The following DHTKD1 variants were observed in gnomAD, a reference collection of about 807,000 sequenced individuals.
DHTKD1 encodes 2-oxoadipate dehydrogenase complex component E1.
In DHTKD1, 78 loss-of-function variants were observed where a neutral mutation model predicts 101.8. That is an observed-to-expected ratio of 0.77 (90% CI 0.64 to 0.93). The LOEUF is 0.93. Ranked by LOEUF, DHTKD1 falls within the 40% of genes least tolerant of loss-of-function variation. DHTKD1 has a pLI of 0.00. For missense variants in DHTKD1, 1,223 were observed against 1,161.7 expected, an observed-to-expected ratio of 1.05 and a Z score of -0.77; for synonymous variants, 462 against 450.3, an observed-to-expected ratio of 1.03 and a Z score of -0.33.
At chr10:12,093,869 T>C (rs1833028327) in intron 6 of DHTKD1, among the ~76,000 whole-genome samples, 1 of 152,138 alleles carries the variant, frequency 6.6e-6, no homozygotes, top group Non-Finnish European at 1.5e-5. Context: ...GATAAGTAGG[T>C]TGAGATTTGT....
intron 16 of DHTKD1, 30 bp from the exon 17 acceptor site, chr10:12,120,757 C>T: frequency 2.5e-6 from 4 of 1,584,724 alleles, no homozygotes; most frequent in Non-Finnish European, 3.5e-6. Context: ...GTCAAAATGT[C>T]ATTTTATTTC....
intron 12 of DHTKD1, among the ~76,000 whole-genome samples, chr10:12,108,707 G>A (rs1229030225): frequency 1.3e-5 from 2 of 152,166 alleles, no homozygotes; most frequent in Non-Finnish European, 2.9e-5. Flanking sequence ...CAGATATACA[G>A]AAAAGTTGGA....
chr10:12,110,062 G>A lies in DHTKD1; in HGVS notation c.2154+2047G>A, dbSNP rs1177485222. ...TCCTGTAATCCCAGCACTTTGGGAG[G>A]CCGAGGCGGGCGGATCATGAGGTCA... On this transcript the variant is annotated intron_variant, in intron 12 of 16. Transcript: ENST00000263035. This position sits in a 1 kb window ranked among gnomAD's most constrained non-coding sequence, Gnocchi z 4.9. Among the ~76,000 whole-genome samples the A allele has an allele frequency of 6.6e-6, 1 of 152,174 alleles. No individual in the cohort carries two copies. The highest frequency in any genetic ancestry group is 1.5e-5 in the Non-Finnish European group (1 of 68,034).
intron 15 of DHTKD1, among the ~76,000 whole-genome samples, chr10:12,119,157 T>G (rs1337515124): frequency 6.9e-6 from 1 of 145,748 alleles, no homozygotes; most frequent in East Asian, 2.0e-4. Flanking sequence ...GTACAAAAAA[T>G]TAGCCGGGCG....
intron 15 of DHTKD1, among the ~76,000 whole-genome samples, chr10:12,119,786 A>G (rs1192713080): frequency 6.6e-6 from 1 of 152,148 alleles, no homozygotes; most frequent in Non-Finnish European, 1.5e-5. Context: ...TTACCTGCAT[A>G]ACAAACCTGC....
intron 13 of DHTKD1, 106 bp from the exon 14 acceptor site, chr10:12,117,567 G>GAACTT (rs1180092311): frequency 1.7e-4 from 124 of 736,444 alleles, no homozygotes; most frequent in Middle Eastern, 4.7e-4. Flanking sequence ...TCTCCTTGCA[G>GAACTT]TGCTAGGCTA....
At chr10:12,102,255 C>T (rs561866564) in intron 10 of DHTKD1, among the ~76,000 whole-genome samples, 1 of 152,016 alleles carries the variant, frequency 6.6e-6, no homozygotes, top group East Asian at 1.9e-4. Flanking sequence ...GAAACCCCAT[C>T]TCTACTAAAA....
At chr10:12,118,362 C>T (rs1233931171) in intron 14 of DHTKD1, among the ~76,000 whole-genome samples, 1 of 149,798 alleles carries the variant, frequency 6.7e-6, no homozygotes, top group Non-Finnish European at 1.5e-5. Flanking sequence ...TGCACTGTCT[C>T]CCGTTTCTTC....
chr10:12,069,025 C>T lies in DHTKD1; in HGVS notation c.-9C>T, dbSNP rs375263831. On this transcript the variant is annotated 5_prime_UTR_variant, in exon 1 of 17. Transcript: ENST00000263035. Reference sequence around the variant, plus strand: ...CGCCTTAGCATGCTGGCCGGGACATCTGGTGAACATGGCCTCTGCTACTGC... The same window carrying T: ...CGCCTTAGCATGCTGGCCGGGACATTTGGTGAACATGGCCTCTGCTACTGC... 11 of 1,613,016 alleles carry T rather than the reference C, an allele frequency of 6.8e-6. No individual in the cohort carries two copies. The African/African-American group carries it at 1.2e-4, about 18-fold the overall frequency.
chr10:12,072,461 CAAT>C (rs1490784421), intron 1 of DHTKD1, among the ~76,000 whole-genome samples: 3 of 148,402 alleles, frequency 2.0e-5, no homozygotes, highest in Non-Finnish European at 4.4e-5. Context: ...GACTCTGTCT[CAAT>C]AAATAAATAA....
chr10:12,113,291 G>C (rs889960159), intron 13 of DHTKD1, among the ~76,000 whole-genome samples: 2 of 152,118 alleles, frequency 1.3e-5, no homozygotes, highest in African/African-American at 4.8e-5. Flanking sequence ...TCTGACTCCT[G>C]GGTTTAAGCG....
In DHTKD1 at chr10:12,089,147, C is replaced by G; in HGVS notation, c.879C>G (p.Val293=). 6.2e-7 allele frequency: 1 copy of G among 1,614,204 alleles called. No individual in the cohort carries two copies. Among genetic ancestry groups the G allele is most frequent in the Non-Finnish European group, 8.5e-7 (1 of 1,180,040 alleles). ...MLPNPSHLEA[V]NPVAVGKTRG... ...CCAATCCCTCGCACCTGGAGGCCGT[C>G]AACCCCGTGGCCGTGGGCAAAACTC... The change falls in exon 5 of 17, where the codon GTC becomes GTG. Residue 293 remains valine (V), a synonymous_variant. Transcript: ENST00000263035.
chr10:12,106,397 G>A lies in DHTKD1; in HGVS notation c.2047+1G>A. On this transcript the variant is annotated splice_donor_variant, in intron 11 of 16. Transcript: ENST00000263035. LOFTEE classifies it high-confidence loss of function. ...ATCTTTGACACATTCATCTCTGGAG[G>A]TTGGTGTCAGCGTATAGGGTGGGTA... 1 of 1,614,186 alleles carries A rather than the reference G, an allele frequency of 6.2e-7. No individual in the cohort carries two copies. Among genetic ancestry groups the A allele is most frequent in the South Asian group, 1.1e-5 (1 of 91,086 alleles).
chr10:12,089,197 A>G lies in DHTKD1; in HGVS notation c.929A>G (p.Asp310Gly). The change falls in exon 5 of 17, where the codon GAC becomes GGC. Residue 310 changes from aspartate to glycine, a missense_variant. Transcript: ENST00000263035. ...KTRGRQQSRQ[D>G]GDYSPDNSAQ... is the part of the protein sequence containing the mutation. ...CGCGGCAGGCAGCAGTCTCGCCAAG[A>G]CGGCGATTACTCTCCAGACAACTCA... 6.2e-7 allele frequency: 1 copy of G among 1,614,128 alleles called. No homozygotes were observed. Among genetic ancestry groups the G allele is most frequent in the Non-Finnish European group, 8.5e-7 (1 of 1,180,026 alleles).
intron 1 of DHTKD1, among the ~76,000 whole-genome samples, chr10:12,076,415 G>T (rs992004495): frequency 5.3e-5 from 8 of 150,968 alleles, no homozygotes; most frequent in African/African-American, 2.4e-5. Context: ...GGCAGAGGTT[G>T]CAGTGAGCCG....
At chr10:12,091,390 C>T (rs1472057927) in intron 5 of DHTKD1, 123 bp from the exon 6 acceptor site, 41 of 689,678 alleles carry the variant, frequency 5.9e-5, no homozygotes, top group Non-Finnish European at 7.6e-5. Flanking sequence ...CCAGCCTGGG[C>T]GAAAGAGCAA....
chr10:12,089,642 G>A (rs1832957453), intron 5 of DHTKD1, among the ~76,000 whole-genome samples: 2 of 151,498 alleles, frequency 1.3e-5, no homozygotes, highest in Middle Eastern at 3.4e-3. Context: ...GTTTTACTTC[G>A]TTTCTTGTTT....
In DHTKD1 at chr10:12,120,803, G is replaced by T. The variant is rs574614585; in HGVS notation, c.2675G>T (p.Arg892Leu). The change falls in exon 17 of 17, where the codon CGG becomes CTG. Residue 892 changes from arginine (R) to leucine (L), a missense_variant. Transcript: ENST00000263035. ...QLACKLRLVG[R>L]PPLPVPAVGI... ...CACTTATAGCTCCGTCTGGTGGGCC[G>T]GCCCCCTTTGCCAGTACCCGCTGTA... is the stretch of plus-strand genomic sequence containing the variant. 45 of 1,614,038 alleles carry T rather than the reference G, an allele frequency of 2.8e-5. No individual in the cohort carries two copies. Among genetic ancestry groups the T allele is most frequent in the Middle Eastern group, 3.3e-4 (2 of 6,052 alleles).
intron 3 of DHTKD1, among the ~76,000 whole-genome samples, chr10:12,086,016 C>A (rs193030391): frequency 6.6e-6 from 1 of 151,616 alleles, no homozygotes; most frequent in Non-Finnish European, 1.5e-5. Flanking sequence ...ATTACAGGCA[C>A]GTGCCACCAC....
Sources: gnomAD v4.1 joint callset for allele counts (sites outside exome capture counted in the v4.1 genomes callset) on GRCh38, gnomAD v4.1.1 for gene constraint, Gnocchi (gnomAD v3.1) non-coding constraint, MANE v1.5 for transcripts, NCBI Gene and HGNC (gene_info 2026-07-23, HGNC 2026-07-21) for gene names.